STK32B: variants seen among roughly 807,000 people sequenced by gnomAD.
The protein encoded by STK32B is serine/threonine kinase 32B.
STK32B carries 43 observed loss-of-function variants against 52.6 expected under a neutral mutation model. The ratio of observed to expected loss-of-function variants is 0.82; its 90% CI spans 0.64 to 1.05. The LOEUF (loss-of-function observed/expected upper bound fraction) is 1.05. Ranked by LOEUF, STK32B falls within the 50% of genes least tolerant of loss-of-function variation. STK32B has a pLI of 0.00. For missense variants in STK32B, 621 were observed against 534.6 expected, an observed-to-expected ratio of 1.16 and a Z score of -1.59; for synonymous variants, 238 against 204.3, an observed-to-expected ratio of 1.17 and a Z score of -1.41.
Position 5,494,274 on chromosome 4 carries a change from G to A in STK32B, c.1107-4671G>A, listed in dbSNP as rs1365202664. ...GAATCTGGGTGCTCCTGTATTGGGT[G>A]CACATATATTTAGGATAGTTAGCTC... On this transcript the variant is annotated intron_variant, in intron 11 of 11. Transcript: ENST00000282908. Among the ~76,000 whole-genome samples the A allele has an allele frequency of 2.0e-5, 3 of 152,164 alleles. No homozygotes were observed. The East Asian group carries it at 5.8e-4, about 29-fold the overall frequency.
chr4:5,344,203 A>G lies in STK32B; in HGVS notation c.434+12810A>G, dbSNP rs141892013. ...AAATATGAAGCTATAAACAGCAACC[A>G]TTTGTTCACTGTTTTGAATAAAGCA... On this transcript the variant is annotated intron_variant, in intron 4 of 11. Coordinates refer to ENST00000282908, the MANE Select transcript of STK32B (RefSeq NM_018401.3). Among the ~76,000 whole-genome samples the G allele has an allele frequency of 1.8e-3, 275 of 152,308 alleles. 2 individuals are homozygous for G. The highest frequency in any genetic ancestry group is 6.2e-3 in the African/African-American group (259 of 41,576).
intron 4 of STK32B, among the ~76,000 whole-genome samples, chr4:5,356,169 A>C (rs1734159056): frequency 6.6e-6 from 1 of 152,160 alleles, no homozygotes; most frequent in Non-Finnish European, 1.5e-5. Context: ...GAGACAGATG[A>C]GAGACACCTT....
rs1378736936 is a variant in STK32B, at chr4:5,398,966, G to C, written c.472+722G>C. On this transcript the variant is annotated intron_variant, in intron 5 of 11. Transcript: ENST00000282908. The surrounding 1 kb of genome is among the most constrained non-coding windows in gnomAD (Gnocchi z 4.9). The stretch of plus-strand genomic sequence containing the variant: ...CCTGGGGGACCTGGTAAAAATCAGA[G>C]GTCAGGCCCGGTCCTGCTTCAGCAA... 6.6e-6 allele frequency among the ~76,000 whole-genome samples: 1 copy of C among 152,188 alleles called. No homozygotes were observed. The highest frequency in any genetic ancestry group is 1.5e-5 in the Non-Finnish European group (1 of 68,024).
At chr4:5,169,528 A>C (rs1719168701) in intron 3 of STK32B, among the ~76,000 whole-genome samples, 1 of 152,172 alleles carries the variant, frequency 6.6e-6, no homozygotes, top group Non-Finnish European at 1.5e-5. Context: ...TGATAGGAGA[A>C]CAAAGAGGAA....
chr4:5,350,925 AAAC>A (rs1430494580), intron 4 of STK32B, among the ~76,000 whole-genome samples: 1 of 152,130 alleles, frequency 6.6e-6, no homozygotes, highest in Non-Finnish European at 1.5e-5. Flanking sequence ...GGCTTAATAT[AAAC>A]ATATATGCAC....
In STK32B at chr4:5,400,760, C is replaced by G. The variant is rs1737240184; in HGVS notation, c.472+2516C>G. Among the ~76,000 whole-genome samples the G allele has an allele frequency of 6.6e-6, 1 of 152,164 alleles. No individual in the cohort carries two copies. Among genetic ancestry groups the G allele is most frequent in the Non-Finnish European group, 1.5e-5 (1 of 68,032 alleles). ...TGCTCTTCTGAGGGGAGCTGATCGG[C>G]TTTTTGAGCAGAGCCTGAAGCTGGC... On this transcript the variant is annotated intron_variant, in intron 5 of 11. Transcript: ENST00000282908. The surrounding 1 kb of genome is among the most constrained non-coding windows in gnomAD (Gnocchi z 6.1).
At chr4:5,143,139 C>G (rs1170968547) in intron 2 of STK32B, among the ~76,000 whole-genome samples, 1 of 152,278 alleles carries the variant, frequency 6.6e-6, no homozygotes, top group Admixed American at 6.5e-5. Context: ...GTCTATCTGT[C>G]TGTCTATCTG....
At chr4:5,040,189 G>A in the STK32B span, among the ~76,000 whole-genome samples, 1 of 152,156 alleles carries the variant, frequency 6.6e-6, no homozygotes, top group Non-Finnish European at 1.5e-5. Context: ...TAGCCCAGTG[G>A]CCATGTGCTC....
At chr4:5,323,229 T>G (rs1027537263) in intron 3 of STK32B, among the ~76,000 whole-genome samples, 4 of 152,074 alleles carry the variant, frequency 2.6e-5, no homozygotes, top group Admixed American at 6.5e-5. Context: ...CCAAAACGGC[T>G]TGCTACCTCT....
intron 2 of STK32B, among the ~76,000 whole-genome samples, chr4:5,163,516 A>G (rs1718611130): frequency 6.6e-6 from 1 of 150,392 alleles, no homozygotes; most frequent in Non-Finnish European, 1.5e-5. Flanking sequence ...GAAATTCTAA[A>G]GAGTTTGAGA....
Position 5,331,335 on chromosome 4 carries a change from T to C in STK32B, c.376T>C (p.Tyr126His), listed in dbSNP as rs1343231990. ...TTTCACAGAGGGGACTGTGAAACTCTACATCTGTGAGCTGGCACTGGCCCT... is the reference window on the plus strand; with the variant it reads ...TTTCACAGAGGGGACTGTGAAACTCCACATCTGTGAGCTGGCACTGGCCCT... The part of the protein sequence containing the change: ...VHFTEGTVKL[Y>H]ICELALALEY... The change falls in exon 4 of 12, where the codon TAC (tyrosine) becomes CAC (histidine). Residue 126 changes from tyrosine to histidine, a missense_variant. By Grantham distance (83) the Tyr-to-His change is moderately conservative. Coordinates refer to ENST00000282908, the MANE Select transcript of STK32B (RefSeq NM_018401.3). 1 of 1,613,930 alleles carries C rather than the reference T, an allele frequency of 6.2e-7. No homozygotes were observed. The highest frequency in any genetic ancestry group is 8.5e-7 in the Non-Finnish European group (1 of 1,179,876).
intron 7 of STK32B, 92 bp from the exon 8 acceptor site, chr4:5,456,714 TA>T (rs1716552464): frequency 8.6e-7 from 1 of 1,166,372 alleles, no homozygotes; most frequent in Non-Finnish European, 1.2e-6. Context: ...AGAGGAAGAA[TA>T]AACCATCCCT....
chr4:5,458,400 T>G (rs1330321276), intron 8 of STK32B, among the ~76,000 whole-genome samples: 1 of 152,138 alleles, frequency 6.6e-6, no homozygotes, highest in East Asian at 1.9e-4. Flanking sequence ...TCTTCTCCCT[T>G]ACTCCTCCCA....
chr4:5,312,829 G>A (rs936870285), intron 3 of STK32B, among the ~76,000 whole-genome samples: 2 of 151,926 alleles, frequency 1.3e-5, no homozygotes, highest in African/African-American at 2.4e-5. Context: ...GTCAAATGGT[G>A]TTTCTAGTTC....
intron 2 of STK32B, among the ~76,000 whole-genome samples, chr4:5,143,527 T>G (rs780715051): frequency 2.1e-4 from 32 of 152,096 alleles, no homozygotes; most frequent in Non-Finnish European, 3.8e-4. Flanking sequence ...AAGGCTTGGA[T>G]TGTATGGGTG....
chr4:5,175,331 T>A lies in STK32B; in HGVS notation c.260+6881T>A, dbSNP rs536611794. Among the ~76,000 whole-genome samples the A allele has an allele frequency of 9.2e-5, 14 of 152,366 alleles. 1 individual carries two copies. In the South Asian group the frequency reaches 1.4e-3, roughly 16 times the overall value. ...CAAAGTTATTCTCTGTCCAGCTTTG[T>A]TCCATTGCTGGTGAGGAGCTGCGTT... On this transcript the variant is annotated intron_variant, in intron 3 of 11. Transcript: ENST00000282908.
chr4:5,065,749 A>T (rs911644356), intron 1 of STK32B, among the ~76,000 whole-genome samples: 1 of 152,172 alleles, frequency 6.6e-6, no homozygotes, highest in African/African-American at 2.4e-5. Flanking sequence ...TTTGAGACAG[A>T]GTCTTGCTCT....
Position 5,205,299 on chromosome 4 carries a change from T to C in STK32B, c.260+36849T>C, listed in dbSNP as rs576999027. On this transcript the variant is annotated intron_variant, in intron 3 of 11. Transcript: ENST00000282908. ...CTGGTGTCCAGCTTGCAGATGACAA[T>C]GGTGGGACTATGGAGGCAGTACAAT... Among the ~76,000 whole-genome samples the C allele has an allele frequency of 3.5e-4, 53 of 152,226 alleles. No individual in the cohort carries two copies. The South Asian group carries it at 0.011, about 32-fold the overall frequency.
At chr4:5,105,032 T>G (rs76942892) in intron 1 of STK32B, among the ~76,000 whole-genome samples, 5,699 of 152,328 alleles carry the variant, frequency 0.037, 253 homozygotes, top group East Asian at 0.22. Context: ...TTGCAGGAAT[T>G]TACATTTTCA....
Sources: allele counts gnomAD v4.1 joint callset (sites outside exome capture counted in the v4.1 genomes callset), GRCh38; gene constraint gnomAD v4.1.1; non-coding constraint Gnocchi (gnomAD v3.1); transcripts MANE v1.5; gene names NCBI Gene and HGNC (gene_info 2026-07-23, HGNC 2026-07-21).